The following C10orf90 variants were observed in gnomAD, a reference collection of about 807,000 sequenced individuals.
C10orf90 encodes the protein chromosome 10 open reading frame 90, also known as (E2-independent) E3 ubiquitin-conjugating enzyme FATS.
C10orf90 carries 56 observed loss-of-function variants against 62.5 expected under a neutral mutation model. The observed-to-expected ratio is 0.90, with a 90% CI of 0.72 to 1.12. The LOEUF (loss-of-function observed/expected upper bound fraction) is 1.12. C10orf90 is among the 50% of genes most tolerant of loss of function. The pLI is 0.00. For missense variants in C10orf90, 970 were observed against 880.4 expected (o/e 1.10, Z -1.29); for synonymous variants, 386 against 340.4 (o/e 1.13, Z -1.47).
intron 2 of C10orf90, among the ~76,000 whole-genome samples, chr10:126,592,628 C>T (rs954234037): frequency 2.0e-5 from 3 of 152,142 alleles, no homozygotes; most frequent in African/African-American, 7.2e-5. Context: ...AGGACATAGG[C>T]AAGGGCAAAG....
chr10:126,542,558 A>G (rs1208178406), intron 2 of C10orf90, among the ~76,000 whole-genome samples: 1 of 152,200 alleles, frequency 6.6e-6, no homozygotes, highest in Non-Finnish European at 1.5e-5. Flanking sequence ...TGGGAACTAG[A>G]TAAAAGTGTT....
chr10:126,612,535 C>A (rs1330245964), intron 2 of C10orf90, among the ~76,000 whole-genome samples: 1 of 152,172 alleles, frequency 6.6e-6, no homozygotes, highest in Non-Finnish European at 1.5e-5. Context: ...TACCCCATCA[C>A]CCATGGCCCA....
chr10:126,612,248 G>C (rs1845450192), intron 2 of C10orf90, among the ~76,000 whole-genome samples: 1 of 150,800 alleles, frequency 6.6e-6, no homozygotes, highest in Non-Finnish European at 1.5e-5. Flanking sequence ...TTGAACTTGG[G>C]ATGTGGAGGT....
chr10:126,542,530 T>G (rs1159332494), intron 2 of C10orf90, among the ~76,000 whole-genome samples: 1 of 151,946 alleles, frequency 6.6e-6, no homozygotes, highest in African/African-American at 2.4e-5. Context: ...AAAATAATAC[T>G]TTTTTTAAAA....
intron 1 of C10orf90, among the ~76,000 whole-genome samples, chr10:126,649,056 CTCTCTCT>C (rs1846232561): frequency 3.5e-5 from 2 of 56,678 alleles, no homozygotes; most frequent in African/African-American, 1.4e-4. Context: ...CTCTCTCTCT[CTCTCTCT>C]CTCTCTCTCC....
At position 126,633,210 on chromosome 10, in the gene C10orf90, C is replaced by A. The variant is rs546290790; in HGVS notation, c.313+13355G>T. ...TTCCATCCTCCCTCCATCAACTGCC[C>A]AAAGACCTATGAGGCAGGAATTTTG... On this transcript the variant is annotated intron_variant, in intron 2 of 9. Transcript: ENST00000488181. Among the ~76,000 whole-genome samples the A allele has an allele frequency of 1.4e-4, 21 of 152,310 alleles. No homozygotes were observed. In the East Asian group the frequency reaches 2.9e-3, roughly 21 times the overall value.
intron 2 of C10orf90, among the ~76,000 whole-genome samples, chr10:126,545,203 C>G (rs1360713434): frequency 6.6e-6 from 1 of 152,102 alleles, no homozygotes; most frequent in Non-Finnish European, 1.5e-5. Flanking sequence ...TCCTCCGGAG[C>G]CAGGTCTCTG....
intron 2 of C10orf90, among the ~76,000 whole-genome samples, chr10:126,554,762 T>C (rs542287044): frequency 6.6e-6 from 1 of 152,346 alleles, no homozygotes; most frequent in South Asian, 2.1e-4. Context: ...TCAGAAAATG[T>C]GTATGAAAGT....
At chr10:126,492,166 T>C (rs1861801566) in intron 4 of C10orf90, among the ~76,000 whole-genome samples, 1 of 152,246 alleles carries the variant, frequency 6.6e-6, no homozygotes, top group Admixed American at 6.5e-5. Context: ...AGTTTATAAG[T>C]CAATTGTTCT....
At chr10:126,652,156 C>A (rs1038088062) in intron 1 of C10orf90, among the ~76,000 whole-genome samples, 3 of 152,186 alleles carry the variant, frequency 2.0e-5, no homozygotes, top group African/African-American at 7.2e-5. Flanking sequence ...GTTAATGCAA[C>A]CCTGCACCTA....
intron 7 of C10orf90, among the ~76,000 whole-genome samples, chr10:126,436,989 A>C (rs1369100024): frequency 6.6e-6 from 1 of 151,976 alleles, no homozygotes; most frequent in African/African-American, 2.4e-5. Flanking sequence ...TGCTCTATTA[A>C]CCATGAAGAA....
chr10:126,583,667 C>A (rs940221210), intron 2 of C10orf90, among the ~76,000 whole-genome samples: 9 of 152,166 alleles, frequency 5.9e-5, no homozygotes, highest in Non-Finnish European at 1.3e-4. Flanking sequence ...CTCTGCCCCC[C>A]ACCTTGCCAC....
At chr10:126,475,281 A>G (rs887093459) in intron 4 of C10orf90, among the ~76,000 whole-genome samples, 2 of 152,216 alleles carry the variant, frequency 1.3e-5, no homozygotes, top group Admixed American at 6.5e-5. Flanking sequence ...CAGCTAGATC[A>G]GTGAGTGAGG....
At chr10:126,651,041 C>A (rs1044737143) in intron 1 of C10orf90, among the ~76,000 whole-genome samples, 2 of 152,206 alleles carry the variant, frequency 1.3e-5, no homozygotes, top group Non-Finnish European at 2.9e-5. Flanking sequence ...CTCCCATGAG[C>A]TTTGACTAAA....
chr10:126,619,026 G>A (rs937033506), intron 2 of C10orf90, among the ~76,000 whole-genome samples: 12 of 152,130 alleles, frequency 7.9e-5, no homozygotes, highest in Non-Finnish European at 1.5e-5. Flanking sequence ...TCTTTTGCAG[G>A]GACATGGATG....
chr10:126,447,119 G>C (rs1018796994), intron 7 of C10orf90, among the ~76,000 whole-genome samples: 3 of 151,654 alleles, frequency 2.0e-5, no homozygotes, highest in Non-Finnish European at 4.4e-5. Context: ...ATGAACAAAG[G>C]ATCTAAAAAA....
At chr10:126,473,987 AT>A (rs1405646870) in intron 4 of C10orf90, among the ~76,000 whole-genome samples, 1 of 152,142 alleles carries the variant, frequency 6.6e-6, no homozygotes, top group East Asian at 1.9e-4. Flanking sequence ...AAGCAAGCAG[AT>A]TTTGGTGGCA....
intron 2 of C10orf90, among the ~76,000 whole-genome samples, chr10:126,610,989 G>A (rs1564891677): frequency 6.6e-6 from 1 of 151,916 alleles, no homozygotes. Context: ...TGATTGAGAT[G>A]TACTTGTTAT....
rs137946537 is a variant in C10orf90 at position 126,486,475 on chromosome 10, C to A, written c.1534+17482G>T. On this transcript the variant is annotated intron_variant, in intron 4 of 9. Coordinates refer to ENST00000488181, the MANE Select transcript of C10orf90 (RefSeq NM_001350921.2). Reference sequence around the variant, plus strand: ...AGCAAAAGTCAGTAGAGACACCAAACTGCAGAAGCAGACACACATATGCCT... The same window carrying A: ...AGCAAAAGTCAGTAGAGACACCAAAATGCAGAAGCAGACACACATATGCCT... Among the ~76,000 whole-genome samples the A allele has an allele frequency of 6.7e-3, 1,013 of 152,252 alleles. 30 individuals carry two copies. Among genetic ancestry groups the A allele is most frequent in the Admixed American group, 0.056 (861 of 15,288 alleles).
Sources: gnomAD v4.1 joint callset for allele counts (sites outside exome capture counted in the v4.1 genomes callset) on GRCh38, gnomAD v4.1.1 for gene constraint, MANE v1.5 for transcripts, NCBI Gene and HGNC (gene_info 2026-07-23, HGNC 2026-07-21) for gene names.